PCBP3: variants seen among roughly 807,000 people sequenced by gnomAD.
PCBP3 encodes the protein poly(rC) binding protein 3.
Under a neutral mutation model 52.7 loss-of-function variants are expected in PCBP3, and 25 were observed. The observed-to-expected ratio is 0.47, with a 90% CI of 0.35 to 0.66. The LOEUF (loss-of-function observed/expected upper bound fraction) is 0.66. Ranked by LOEUF, PCBP3 falls within the 30% of genes least tolerant of loss-of-function variation. The pLI, the probability that PCBP3 is intolerant of heterozygous loss-of-function variation, is 0.01. For synonymous variants in PCBP3, 162 were observed against 183.0 expected (o/e 0.89, Z 0.93); for missense variants, 391 against 490.3 (o/e 0.80, Z 1.91).
At chr21:45,705,768 T>A (rs1360731909) in intron 2 of PCBP3, among the ~76,000 whole-genome samples, 1 of 152,168 alleles carries the variant, frequency 6.6e-6, no homozygotes, top group Non-Finnish European at 1.5e-5. Flanking sequence ...TTTAAAATAA[T>A]AAAAATCATT....
chr21:45,656,508 G>T lies in PCBP3; in HGVS notation c.-278-12366G>T, dbSNP rs540508211. Among the ~76,000 whole-genome samples the T allele has an allele frequency of 3.3e-5, 5 of 152,226 alleles. No homozygotes were observed. The South Asian group carries it at 1.0e-3, about 32-fold the overall frequency. The stretch of plus-strand genomic sequence containing the variant: ...GGGCCTGTCGGTGGTGGGGGCCTAG[G>T]GGAGGGATAGCATTAGGAGAACTAC... On this transcript the variant is annotated intron_variant, in intron 1 of 17. Transcript: ENST00000681687. This position sits in a 1 kb window ranked among gnomAD's most constrained non-coding sequence, Gnocchi z 4.3.
intron 1 of PCBP3, among the ~76,000 whole-genome samples, chr21:45,646,927 C>T (rs1014489752): frequency 1.3e-5 from 2 of 152,170 alleles, no homozygotes; most frequent in Non-Finnish European, 2.9e-5. Context: ...CCAGGCATTC[C>T]TGTTGTGTTA....
At chr21:45,836,049 C>T (rs577384973) in intron 4 of PCBP3, among the ~76,000 whole-genome samples, 6 of 152,126 alleles carry the variant, frequency 3.9e-5, no homozygotes, top group Non-Finnish European at 8.8e-5. Flanking sequence ...ACGTGGGGCC[C>T]GAGATGACAA....
Position 45,696,941 on chromosome 21 carries a change from A to G in PCBP3, c.-200+27989A>G, listed in dbSNP as rs1308785290. 4.6e-5 allele frequency among the ~76,000 whole-genome samples: 7 copies of G among 152,248 alleles called. No homozygotes were observed. In the East Asian group the frequency reaches 1.2e-3, roughly 25 times the overall value. On this transcript the variant is annotated intron_variant, in intron 2 of 17. Coordinates refer to ENST00000681687, the MANE Select transcript of PCBP3 (RefSeq NM_001384156.1). Reference sequence around the variant, plus strand: ...GTACAGATTAAAACCACAGTGAGGTACCACAATAGCCTTTAGAAAGGCAGG... The same window carrying G: ...GTACAGATTAAAACCACAGTGAGGTGCCACAATAGCCTTTAGAAAGGCAGG...
At position 45,917,766 on chromosome 21, in the gene PCBP3, C is replaced by T. The variant is rs141838084; in HGVS notation, c.717+137C>T. Reference sequence around the variant, plus strand: ...ACTTCTCAGCGTTCCTGACCTGTGTCGTATCCATATGACCTCGAATAACCT... The same window carrying T: ...ACTTCTCAGCGTTCCTGACCTGTGTTGTATCCATATGACCTCGAATAACCT... On this transcript the variant is annotated intron_variant, in intron 13 of 17. Transcript: ENST00000681687. This position sits in a 1 kb window ranked among gnomAD's most constrained non-coding sequence, Gnocchi z 5.3. 2.9e-5 allele frequency: 23 copies of T among 782,616 alleles called. 1 individual carries two copies. Among genetic ancestry groups the T allele is most frequent in the South Asian group, 2.0e-4 (14 of 71,348 alleles). The allele number at this position is 782,616 out of a possible 1,614,324, so 48.5% of individuals were successfully genotyped here.
chr21:45,739,672 A>G (rs13051489), intron 3 of PCBP3, among the ~76,000 whole-genome samples: 24,694 of 69,282 alleles, frequency 0.36, 3,365 homozygotes, highest in Middle Eastern at 0.5. Flanking sequence ...ACCCCTTCCT[A>G]TCCATTGTCC....
intron 2 of PCBP3, among the ~76,000 whole-genome samples, chr21:45,718,339 A>G (rs1378249391): frequency 2.0e-5 from 3 of 151,108 alleles, no homozygotes; most frequent in African/African-American, 7.3e-5. Context: ...TCTTGTTGCC[A>G]TAGTATTTGT....
At chr21:45,803,698 AT>A (rs527653811) in intron 4 of PCBP3, among the ~76,000 whole-genome samples, 75 of 152,316 alleles carry the variant, frequency 4.9e-4, no homozygotes, top group Non-Finnish European at 9.0e-4. Flanking sequence ...CAAGCTGGGC[AT>A]GAACCTGGGG....
chr21:45,681,710 A>G (rs1475454203), intron 2 of PCBP3, among the ~76,000 whole-genome samples: 1 of 152,066 alleles, frequency 6.6e-6, no homozygotes, highest in Non-Finnish European at 1.5e-5. Context: ...CTGTATTTTT[A>G]TTTCTTTTGG....
chr21:45,838,616 T>C (rs191867449), intron 4 of PCBP3, among the ~76,000 whole-genome samples: 124 of 152,320 alleles, frequency 8.1e-4, no homozygotes, highest in African/African-American at 2.8e-3. Context: ...TTAAAACTTA[T>C]ACTAGTTTTT....
At position 45,941,937 on chromosome 21, in the gene PCBP3, C is replaced by T. The variant is rs1035935448; in HGVS notation, c.*231C>T. ...TCAGTGTTATTTTATTTATGACTTA[C>T]GCTCCCGTCTGCCCATGCACCGGCA... On this transcript the variant is annotated 3_prime_UTR_variant, in exon 18 of 18. Transcript: ENST00000681687. 51 of 423,620 alleles carry T rather than the reference C, an allele frequency of 1.2e-4. No individual in the cohort carries two copies. In the Admixed American group the frequency reaches 1.4e-3, roughly 11 times the overall value. 26.2% of individuals were successfully genotyped at this position (423,620 alleles called of 1,614,324 possible). A position where few individuals can be genotyped will look rare whatever the true frequency, so the allele number is the denominator to read the frequency against.
At position 45,732,504 on chromosome 21, in the gene PCBP3, AT is replaced by A. The variant is rs375222931; in HGVS notation, c.-199-2874del. On this transcript the variant is annotated intron_variant, in intron 2 of 17. Transcript: ENST00000681687. ...TTCTTTTTTACTGGCTGCCTTTACG[AT>A]TTTTTTTTTTTTTACATAATTTGAT... Among the ~76,000 whole-genome samples, 295 of 141,934 alleles carry A rather than the reference AT, an allele frequency of 2.1e-3. 1 individual carries two copies. Among genetic ancestry groups the A allele is most frequent in the South Asian group, 0.01 (46 of 4,424 alleles). 93.1% of individuals were successfully genotyped at this position (141,934 alleles called of 152,430 possible). A position where few individuals can be genotyped will look rare whatever the true frequency, so the allele number is the denominator to read the frequency against.
In PCBP3 at chr21:45,942,036, G is replaced by A. The variant is rs139288721; in HGVS notation, c.*330G>A. 5.3e-3 allele frequency: 1,482 copies of A among 280,106 alleles called. 23 individuals are homozygous for A. Among genetic ancestry groups the A allele is most frequent in the African/African-American group, 0.03 (1,380 of 45,856 alleles). The allele number at this position is 280,106 out of a possible 1,614,324, so 17.4% of individuals were successfully genotyped here. On this transcript the variant is annotated 3_prime_UTR_variant, in exon 18 of 18. Transcript: ENST00000681687. ...TGTCTGTCTTAGGAGCTGGGTCGGC[G>A]TTCCGACAGCACTTCCTGTCCGCCC...
At chr21:45,857,815 C>A (rs1427567021) in intron 5 of PCBP3, among the ~76,000 whole-genome samples, 2 of 152,324 alleles carry the variant, frequency 1.3e-5, no homozygotes, top group East Asian at 3.9e-4. Flanking sequence ...GACCAGAAAG[C>A]CTCAAGCCCT....
chr21:45,739,312 T>A, intron 3 of PCBP3, among the ~76,000 whole-genome samples: 1 of 86,678 alleles, frequency 1.2e-5, no homozygotes, highest in African/African-American at 4.8e-5. Flanking sequence ...TTCCTGTGCA[T>A]TGTCCTCTGG....
intron 2 of PCBP3, among the ~76,000 whole-genome samples, chr21:45,678,873 G>A (rs2081636693): frequency 6.6e-6 from 1 of 152,042 alleles, no homozygotes; most frequent in Admixed American, 6.6e-5. Context: ...CTATCAAACA[G>A]CATCACATGC....
At chr21:45,678,188 A>G (rs966321266) in intron 2 of PCBP3, among the ~76,000 whole-genome samples, 80 of 151,976 alleles carry the variant, frequency 5.3e-4, no homozygotes, top group African/African-American at 1.7e-3. Context: ...AAAAATACAA[A>G]AAAATTACTC....
chr21:45,886,173 C>T (rs1042370821), intron 5 of PCBP3, among the ~76,000 whole-genome samples: 2 of 125,188 alleles, frequency 1.6e-5, no homozygotes, highest in African/African-American at 5.7e-5. Context: ...CTCGTTGCCG[C>T]GGGTGCCAAG....
chr21:45,742,840 G>A (rs565850727), intron 3 of PCBP3, among the ~76,000 whole-genome samples: 125 of 152,096 alleles, frequency 8.2e-4, no homozygotes, highest in South Asian at 3.1e-3. Flanking sequence ...TTAGTTTCAC[G>A]ATATATTTCC....
Sources: gnomAD v4.1 joint callset for allele counts (sites outside exome capture counted in the v4.1 genomes callset) on GRCh38, gnomAD v4.1.1 for gene constraint, Gnocchi (gnomAD v3.1) non-coding constraint, MANE v1.5 for transcripts, NCBI Gene and HGNC (gene_info 2026-07-23, HGNC 2026-07-21) for gene names.